GPC5: variants seen among roughly 807,000 people sequenced by gnomAD.
GPC5 encodes glypican-5.
Under a neutral mutation model 53.9 loss-of-function variants are expected in GPC5, and 47 were observed. The ratio of observed to expected loss-of-function variants is 0.87; its 90% confidence interval spans 0.69 to 1.11. GPC5 has a LOEUF of 1.11. Ranked by LOEUF, GPC5 falls within the 50% of genes most tolerant of loss-of-function variation. The pLI is 0.00. For synonymous variants in GPC5, 286 were observed against 263.3 expected (o/e 1.09, Z -0.84); for missense variants, 748 against 713.1 (o/e 1.05, Z -0.56).
Position 92,692,754 on chromosome 13 carries a change from A to ATTTTTTTTTTTTTTTTT in GPC5, c.1562-173522_1562-173506dup, listed in dbSNP as rs71272284. Among the ~76,000 whole-genome samples the ATTTTTTTTTTTTTTTTT allele has an allele frequency of 5.7e-3, 459 of 80,948 alleles. 54 individuals are homozygous for ATTTTTTTTTTTTTTTTT. Among genetic ancestry groups the ATTTTTTTTTTTTTTTTT allele is most frequent in the Admixed American group, 0.016 (75 of 4,794 alleles). 53.1% of individuals were successfully genotyped at this position (80,948 alleles called of 152,430 possible). ...CTCCAAAGCCTCACCAATATCGGCT[A>ATTTTTTTTTTTTTTTTT]TTTTTTTTTTTTTTTTTTTTTTACA... On this transcript the variant is annotated intron_variant, in intron 7 of 7. Coordinates refer to ENST00000377067, the MANE Select transcript of GPC5 (RefSeq NM_004466.6).
chr13:91,963,273 T>C (rs1011865315), intron 6 of GPC5, among the ~76,000 whole-genome samples: 29 of 152,180 alleles, frequency 1.9e-4, no homozygotes, highest in African/African-American at 6.8e-4. Flanking sequence ...GCAGAAACTA[T>C]ATGGAAAGCA....
intron 7 of GPC5, among the ~76,000 whole-genome samples, chr13:92,815,389 C>T (rs1007060965): frequency 3.3e-5 from 5 of 151,954 alleles, no homozygotes; most frequent in Non-Finnish European, 2.9e-5. Context: ...TCCCCAAATA[C>T]AAAATCCTGA....
chr13:91,991,859 C>T (rs1311525699), intron 6 of GPC5, among the ~76,000 whole-genome samples: 2 of 141,372 alleles, frequency 1.4e-5, no homozygotes, highest in Admixed American at 1.4e-4. Context: ...TGCAAAATCG[C>T]TACATTTTTA....
chr13:92,282,727 G>A (rs1176072544), intron 7 of GPC5, among the ~76,000 whole-genome samples: 1 of 152,122 alleles, frequency 6.6e-6, no homozygotes, highest in African/African-American at 2.4e-5. Context: ...TGCCCTACAA[G>A]AGTTCAGGAA....
intron 7 of GPC5, among the ~76,000 whole-genome samples, chr13:92,636,781 A>G (rs540656186): frequency 6.6e-6 from 1 of 152,294 alleles, no homozygotes; most frequent in East Asian, 1.9e-4. Context: ...GTGAAAATTG[A>G]ATGAAACCAA....
At chr13:92,834,684 C>A (rs1316470229) in intron 7 of GPC5, among the ~76,000 whole-genome samples, 1 of 151,978 alleles carries the variant, frequency 6.6e-6, no homozygotes, top group Non-Finnish European at 1.5e-5. Context: ...GCCTGAGAGA[C>A]CCCAAATTAC....
At chr13:92,789,430 C>G (rs1876382634) in intron 7 of GPC5, among the ~76,000 whole-genome samples, 1 of 152,058 alleles carries the variant, frequency 6.6e-6, no homozygotes, top group African/African-American at 2.4e-5. Context: ...AAACTGCTGA[C>G]AAGATTACAC....
At chr13:91,705,946 T>A (rs531411311) in intron 3 of GPC5, among the ~76,000 whole-genome samples, 3 of 150,022 alleles carry the variant, frequency 2.0e-5, no homozygotes, top group South Asian at 4.2e-4. Context: ...AGTGGCACGA[T>A]CTCGGCTCAT....
intron 7 of GPC5, among the ~76,000 whole-genome samples, chr13:92,344,667 A>G (rs2043395801): frequency 6.6e-6 from 1 of 152,158 alleles, no homozygotes; most frequent in African/African-American, 2.4e-5. Flanking sequence ...GAGTGGTCAA[A>G]GTGAGGTTCA....
intron 6 of GPC5, among the ~76,000 whole-genome samples, chr13:91,920,316 G>C (rs1009431890): frequency 6.6e-6 from 1 of 152,042 alleles, no homozygotes; most frequent in Non-Finnish European, 1.5e-5. Context: ...TTCAATAGAA[G>C]CATTGGAAGG....
chr13:91,859,780 GTTTTA>G (rs936691202), intron 5 of GPC5, among the ~76,000 whole-genome samples: 9 of 151,214 alleles, frequency 6.0e-5, no homozygotes, highest in South Asian at 2.1e-4. Context: ...TTCAAATTAT[GTTTTA>G]TTTTATTTGT....
intron 7 of GPC5, among the ~76,000 whole-genome samples, chr13:92,385,461 C>CATATATACATATATATATACATATAT (rs2043792066): frequency 1.4e-5 from 1 of 70,444 alleles, no homozygotes; most frequent in African/African-American, 4.9e-5. Context: ...TACATATATA[C>CATATATACATATATATATACATATAT]ACATATATAC....
chr13:92,072,415 C>T (rs1189910248), intron 6 of GPC5, among the ~76,000 whole-genome samples: 1 of 151,168 alleles, frequency 6.6e-6, no homozygotes, highest in Non-Finnish European at 1.5e-5. Context: ...TACAGGCGTG[C>T]ACCACCATGC....
chr13:92,649,553 C>T (rs1216321120), intron 7 of GPC5, among the ~76,000 whole-genome samples: 1 of 152,086 alleles, frequency 6.6e-6, no homozygotes, highest in Non-Finnish European at 1.5e-5. Flanking sequence ...GTATAATTCA[C>T]TTTTCTGCTA....
intron 7 of GPC5, among the ~76,000 whole-genome samples, chr13:92,379,607 T>C (rs1303509121): frequency 6.6e-5 from 10 of 151,068 alleles, no homozygotes; most frequent in African/African-American, 2.5e-5. Context: ...TTCCTCTCTC[T>C]GTCCTCTGCA....
intron 7 of GPC5, among the ~76,000 whole-genome samples, chr13:92,619,304 C>T (rs956589395): frequency 6.6e-6 from 1 of 151,802 alleles, no homozygotes; most frequent in African/African-American, 2.4e-5. Context: ...GCCTTGATAA[C>T]TTCATTTTTA....
intron 5 of GPC5, among the ~76,000 whole-genome samples, chr13:91,776,738 T>C (rs1451783533): frequency 6.6e-6 from 1 of 152,162 alleles, no homozygotes; most frequent in Non-Finnish European, 1.5e-5. Flanking sequence ...AAATGACTAG[T>C]GTATTTTTTC....
rs569949520 is a variant in GPC5, at chr13:92,514,210, A to C, written c.1562-352072A>C. ...ACCTGTCAGTGTCTGCTCCAATGTA[A>C]AACACACACTATTTTAATATATTTT... On this transcript the variant is annotated intron_variant, in intron 7 of 7. Transcript: ENST00000377067. 2.2e-5 allele frequency among the ~76,000 whole-genome samples: 3 copies of C among 136,400 alleles called. No homozygotes were observed. The South Asian group carries it at 7.1e-4, about 32-fold the overall frequency. The allele number at this position is 136,400 out of a possible 152,430, so 89.5% of individuals were successfully genotyped here. A position where few individuals can be genotyped will look rare whatever the true frequency, so the allele number is the denominator to read the frequency against.
At chr13:91,627,354 A>G (rs1035159557) in intron 2 of GPC5, among the ~76,000 whole-genome samples, 1 of 148,298 alleles carries the variant, frequency 6.7e-6, no homozygotes, top group African/African-American at 2.5e-5. Context: ...TTATGGCTGC[A>G]TAGTATTCCA....
Sources: allele counts gnomAD v4.1 joint callset (sites outside exome capture counted in the v4.1 genomes callset), GRCh38; gene constraint gnomAD v4.1.1; transcripts MANE v1.5; gene names NCBI Gene and HGNC (gene_info 2026-07-23, HGNC 2026-07-21).